Variants in MMP26 observed in about 807,000 individuals in gnomAD.
MMP26 encodes the protein matrix metallopeptidase 26, also known as matrix metalloproteinase-26.
MMP26 carries 33 observed loss-of-function variants against 31.0 expected under a neutral mutation model. The observed-to-expected ratio is 1.06, with a 90% confidence interval of 0.81 to 1.42. The LOEUF is 1.42. MMP26 is among the 40% of genes most tolerant of loss of function. The pLI is 0.00. For missense variants in MMP26, 347 were observed against 316.1 expected (o/e 1.10, Z -0.74); for synonymous variants, 122 against 114.9 (o/e 1.06, Z -0.40).
chr11:4,928,943 A>G (rs1851309293), intron 2 of MMP26, among the ~76,000 whole-genome samples: 2 of 152,196 alleles, frequency 1.3e-5, no homozygotes, highest in South Asian at 4.1e-4. Flanking sequence ...ATGCAGATGT[A>G]GCTAACTTTT....
intron 2 of MMP26, chr11:4,924,287 C>A (rs868321099): frequency 1.2e-6 from 2 of 1,613,392 alleles, no homozygotes; most frequent in South Asian, 2.2e-5. Context: ...ACCTTGGAAG[C>A]CCGTCAGGAA....
At chr11:4,811,239 T>C (rs1001239785) in intron 2 of MMP26, among the ~76,000 whole-genome samples, 6 of 152,232 alleles carry the variant, frequency 3.9e-5, no homozygotes, top group Admixed American at 2.0e-4. Flanking sequence ...GGAGTACCTA[T>C]GCCAGTTTGT....
intron 2 of MMP26, among the ~76,000 whole-genome samples, chr11:4,867,326 T>G (rs986765961): frequency 6.7e-6 from 1 of 149,514 alleles, no homozygotes; most frequent in Non-Finnish European, 1.5e-5. Context: ...AACAAACATA[T>G]GACAAAAAGC....
chr11:4,849,710 T>C (rs1849946910), intron 2 of MMP26, among the ~76,000 whole-genome samples: 1 of 152,212 alleles, frequency 6.6e-6, no homozygotes, highest in Non-Finnish European at 1.5e-5. Context: ...TCATTTTTTC[T>C]AAGCTTGATT....
At chr11:4,871,915 A>G (rs532301031) in intron 2 of MMP26, 1 of 152,244 alleles carries the variant, frequency 6.6e-6, no homozygotes, top group African/African-American at 2.4e-5. Context: ...TGTAATTTGA[A>G]TTTAATGGCA....
At chr11:4,781,553 C>CAAAA (rs780005906) in intron 2 of MMP26, among the ~76,000 whole-genome samples, 1 of 15,192 alleles carries the variant, frequency 6.6e-5, no homozygotes, top group East Asian at 1.6e-3. Flanking sequence ...GACTCCGTCT[C>CAAAA]AAAAAAAAAA....
chr11:4,815,612 A>C (rs997839188), intron 2 of MMP26, among the ~76,000 whole-genome samples: 10 of 152,192 alleles, frequency 6.6e-5, no homozygotes, highest in African/African-American at 2.4e-4. Flanking sequence ...GAACACAGCA[A>C]ATTTATCATT....
At chr11:4,881,924 T>G (rs1320519206) in intron 2 of MMP26, 2 of 1,613,324 alleles carry the variant, frequency 1.2e-6, no homozygotes, top group Non-Finnish European at 1.7e-6. Context: ...TAACACCACT[T>G]CGTCTTCCTC....
intron 2 of MMP26, among the ~76,000 whole-genome samples, chr11:4,849,503 C>A (rs1438267732): frequency 6.6e-6 from 1 of 152,122 alleles, no homozygotes; most frequent in African/African-American, 2.4e-5. Context: ...GCTTGCCTCT[C>A]CCTGTAGTGT....
intron 2 of MMP26, among the ~76,000 whole-genome samples, chr11:4,837,234 G>T (rs1411300287): frequency 2.0e-5 from 3 of 152,046 alleles, no homozygotes; most frequent in Non-Finnish European, 4.4e-5. Context: ...TTGAGACAAG[G>T]TCTTGTTCTG....
chr11:4,957,211 T>TAA (rs997591681), intron 2 of MMP26, among the ~76,000 whole-genome samples: 7 of 152,252 alleles, frequency 4.6e-5, no homozygotes, highest in African/African-American at 1.7e-4. Flanking sequence ...CATTTAAATA[T>TAA]AAACAATGCC....
intron 2 of MMP26, among the ~76,000 whole-genome samples, chr11:4,861,287 A>G (rs1313324071): frequency 6.6e-6 from 1 of 150,534 alleles, no homozygotes. Context: ...GCAGATACAT[A>G]CAGTTTCCAA....
chr11:4,768,645 T>C (rs1378443505), intron 2 of MMP26, among the ~76,000 whole-genome samples: 2 of 152,200 alleles, frequency 1.3e-5, no homozygotes, highest in Non-Finnish European at 2.9e-5. Context: ...AATAGTAATA[T>C]ATATTTCATT....
In MMP26 at chr11:4,865,067, C is replaced by T. The variant is rs376516103; in HGVS notation, c.-145+97726C>T. Among the ~76,000 whole-genome samples, 181 of 152,128 alleles carry T rather than the reference C, an allele frequency of 1.2e-3. 1 individual carries two copies. Among genetic ancestry groups the T allele is most frequent in the African/African-American group, 4.1e-3 (170 of 41,478 alleles). Reference sequence around the variant, plus strand: ...TTAATTGAGTTCTACTGGTGAGCTCCAGCTATTCCCCCTCCTTCCCATCAG... The same window carrying T: ...TTAATTGAGTTCTACTGGTGAGCTCTAGCTATTCCCCCTCCTTCCCATCAG... On this transcript the variant is annotated intron_variant, in intron 2 of 7. Transcript: ENST00000380390.
At chr11:4,889,701 C>T (rs1230941516) in intron 2 of MMP26, 1 of 152,464 alleles carries the variant, frequency 6.6e-6, no homozygotes, top group East Asian at 1.9e-4. Context: ...CAATGAGGAT[C>T]ATGGCCAGTG....
At chr11:4,863,587 G>A (rs1850194492) in intron 2 of MMP26, 4 of 152,050 alleles carry the variant, frequency 2.6e-5, no homozygotes, top group African/African-American at 7.2e-5. Flanking sequence ...AGAGGACATG[G>A]AAAAAATCTT....
intron 1 of MMP26, among the ~76,000 whole-genome samples, chr11:4,726,799 G>A (rs1848106604): frequency 6.6e-6 from 1 of 152,164 alleles, no homozygotes; most frequent in South Asian, 2.1e-4. Context: ...TTCAGGCCAG[G>A]AGTTTGAGAC....
chr11:4,966,108 G>A (rs1428482073), intron 2 of MMP26, among the ~76,000 whole-genome samples: 20 of 152,214 alleles, frequency 1.3e-4, no homozygotes, highest in East Asian at 1.9e-4. Flanking sequence ...TATTCATGAC[G>A]CTTTTTAAGA....
chr11:4,800,067 C>G (rs1394082939), intron 2 of MMP26, among the ~76,000 whole-genome samples: 2 of 152,174 alleles, frequency 1.3e-5, no homozygotes, highest in Non-Finnish European at 2.9e-5. Context: ...CTCTACTATT[C>G]TGGGATCTGG....
Sources: gnomAD v4.1 joint callset for allele counts (sites outside exome capture counted in the v4.1 genomes callset) on GRCh38, gnomAD v4.1.1 for gene constraint, MANE v1.5 for transcripts, NCBI Gene and HGNC (gene_info 2026-07-23, HGNC 2026-07-21) for gene names.